SCAND3: variants seen among roughly 807,000 people sequenced by gnomAD.
The protein encoded by SCAND3 is SCAN domain containing 3.
At chr6:28,606,118 A>G in the SCAND3 span, among the ~76,000 whole-genome samples, 12 of 152,172 alleles carry the variant, frequency 7.9e-5, no homozygotes, top group African/African-American at 2.9e-4. Flanking sequence ...GGTATATAGA[A>G]AAGTACTTAA....
At chr6:28,580,070 C>T in the SCAND3 span, among the ~76,000 whole-genome samples, 4 of 152,080 alleles carry the variant, frequency 2.6e-5, no homozygotes, top group Admixed American at 2.6e-4. Flanking sequence ...AGATGAAAGC[C>T]TACATATTAT....
the SCAND3 span, chr6:28,589,288 C>A: frequency 6.6e-6 from 1 of 152,206 alleles, no homozygotes; most frequent in Non-Finnish European, 1.5e-5. Context: ...TCACTGAAGC[C>A]TGACCTAACT....
the SCAND3 span, among the ~76,000 whole-genome samples, chr6:28,585,667 A>G: frequency 6.6e-6 from 1 of 152,278 alleles, no homozygotes; most frequent in African/African-American, 2.4e-5. Context: ...GAAAGAGTTC[A>G]GATAAATGTA....
At chr6:28,576,006 T>C in the SCAND3 span, 1 of 1,613,854 alleles carries the variant, frequency 6.2e-7, no homozygotes, top group Non-Finnish European at 8.5e-7. Context: ...TGTTTTCCAG[T>C]AACCTTGCTA....
chr6:28,583,496 G>A, the SCAND3 span, among the ~76,000 whole-genome samples: 1 of 152,166 alleles, frequency 6.6e-6, no homozygotes. Flanking sequence ...TCCACCCTTG[G>A]ATATAGTGAT....
the SCAND3 span, chr6:28,571,152 A>G: frequency 1.4e-4 from 21 of 152,286 alleles, 1 homozygote; most frequent in African/African-American, 5.1e-4. Context: ...CATCTCTACT[A>G]TAAATACAAA....
chr6:28,596,042 T>C, the SCAND3 span, among the ~76,000 whole-genome samples: 3,060 of 152,322 alleles, frequency 0.02, 44 homozygotes, highest in African/African-American at 0.04. Context: ...TGGAGGGCCA[T>C]TTGGCAATAT....
chr6:28,586,556 G>A, the SCAND3 span: 13 of 1,614,146 alleles, frequency 8.1e-6, no homozygotes, highest in African/African-American at 1.3e-4. The surrounding 1 kb of genome is among the most constrained non-coding windows in gnomAD (Gnocchi z 4.4). Flanking sequence ...ACTGCCTGAA[G>A]CGCTGACGAG....
chr6:28,597,850 G>A, the SCAND3 span: 2 of 152,070 alleles, frequency 1.3e-5, no homozygotes, highest in South Asian at 4.1e-4. Context: ...AAACTACAAC[G>A]AACAATAAAC....
the SCAND3 span, among the ~76,000 whole-genome samples, chr6:28,604,873 T>A: frequency 6.6e-6 from 1 of 152,180 alleles, no homozygotes; most frequent in Admixed American, 6.5e-5. Flanking sequence ...ATCTTTATTA[T>A]TAACCTTATT....
chr6:28,597,354 T>C, the SCAND3 span, among the ~76,000 whole-genome samples: 3 of 152,194 alleles, frequency 2.0e-5, no homozygotes, highest in Non-Finnish European at 2.9e-5. Flanking sequence ...GAGGATGGGA[T>C]TCGAACCCAC....
chr6:28,613,888 C>G, the SCAND3 span, among the ~76,000 whole-genome samples: 1 of 152,180 alleles, frequency 6.6e-6, no homozygotes, highest in African/African-American at 2.4e-5. Context: ...CCTCCCACTT[C>G]CACTAAACCA....
chr6:28,574,900 G>T, the SCAND3 span: 1 of 1,613,912 alleles, frequency 6.2e-7, no homozygotes, highest in Non-Finnish European at 8.5e-7. Flanking sequence ...AACTACACAG[G>T]ATAAAAATCT....
the SCAND3 span, among the ~76,000 whole-genome samples, chr6:28,612,343 C>A: frequency 6.6e-6 from 1 of 152,054 alleles, no homozygotes; most frequent in East Asian, 1.9e-4. Flanking sequence ...CTGATCACTT[C>A]TGTGTTTTTA....
the SCAND3 span, among the ~76,000 whole-genome samples, chr6:28,577,827 T>C: frequency 5.9e-5 from 9 of 152,160 alleles, no homozygotes; most frequent in Non-Finnish European, 1.2e-4. Flanking sequence ...CCTTAACCAA[T>C]TGCAAATCAA....
the SCAND3 span, chr6:28,586,154 T>C: frequency 4.5e-6 from 3 of 673,754 alleles, no homozygotes; most frequent in African/African-American, 1.8e-5. This position sits in a 1 kb window ranked among gnomAD's most constrained non-coding sequence, Gnocchi z 4.4. Flanking sequence ...TATGCACGCA[T>C]CTATTCATCT....
At chr6:28,605,914 TAA>T in the SCAND3 span, among the ~76,000 whole-genome samples, 1 of 152,008 alleles carries the variant, frequency 6.6e-6, no homozygotes, top group Admixed American at 6.6e-5. Context: ...TCAAAAAAAA[TAA>T]AGACTATGCA....
the SCAND3 span, chr6:28,575,434 A>C: frequency 6.2e-7 from 1 of 1,614,018 alleles, no homozygotes; most frequent in African/African-American, 1.3e-5. The surrounding 1 kb of genome is among the most constrained non-coding windows in gnomAD (Gnocchi z 4.2). Context: ...AATTGTAAAT[A>C]TATCTAAAAG....
chr6:28,571,197 TCA>T, the SCAND3 span: 1 of 152,096 alleles, frequency 6.6e-6, no homozygotes, highest in Admixed American at 6.6e-5. Flanking sequence ...GCCTGTAATC[TCA>T]GTTACTCGGA....
Sources: gnomAD v4.1 joint callset for allele counts (sites outside exome capture counted in the v4.1 genomes callset) on GRCh38, gnomAD v4.1.1 for gene constraint, Gnocchi (gnomAD v3.1) non-coding constraint, MANE v1.5 for transcripts, NCBI Gene and HGNC (gene_info 2026-07-23, HGNC 2026-07-21) for gene names.